Variants in PTPRT observed in about 807,000 individuals in gnomAD.
The protein encoded by PTPRT is protein tyrosine phosphatase receptor type T.
In PTPRT, 56 loss-of-function variants were observed where a neutral mutation model predicts 176.8. That is an observed-to-expected ratio of 0.32 (90% CI 0.26 to 0.40). The LOEUF is 0.40. Ranked by LOEUF, PTPRT falls within the 10% of genes least tolerant of loss-of-function variation. The pLI is 1.00. For missense variants in PTPRT, 1,540 were observed against 1,908.2 expected (o/e 0.81, Z 3.60); for synonymous variants, 783 against 739.0 (o/e 1.06, Z -0.96).
intron 21 of PTPRT, among the ~76,000 whole-genome samples, chr20:42,116,472 C>T (rs975319666): frequency 1.3e-5 from 2 of 152,146 alleles, no homozygotes; most frequent in Non-Finnish European, 2.9e-5. Flanking sequence ...GCTGAAACCT[C>T]TCTGAGCCTC....
At chr20:43,068,846 T>A (rs2011146651) in intron 1 of PTPRT, among the ~76,000 whole-genome samples, 2 of 151,972 alleles carry the variant, frequency 1.3e-5, no homozygotes, top group Non-Finnish European at 2.9e-5. Flanking sequence ...AAGGGTACAG[T>A]CAGTGGCACC....
At chr20:42,260,385 C>G (rs1047218431) in intron 13 of PTPRT, among the ~76,000 whole-genome samples, 3 of 152,212 alleles carry the variant, frequency 2.0e-5, no homozygotes, top group African/African-American at 7.2e-5. Context: ...TCAGGAGGCT[C>G]AAAGCCGCTT....
At chr20:42,183,016 T>C (rs1446405798) in intron 16 of PTPRT, among the ~76,000 whole-genome samples, 1 of 151,684 alleles carries the variant, frequency 6.6e-6, no homozygotes. Context: ...GCAGAAACAA[T>C]ACTTACTTAA....
chr20:42,166,764 C>CA (rs879074212), intron 16 of PTPRT, among the ~76,000 whole-genome samples: 9 of 151,938 alleles, frequency 5.9e-5, no homozygotes, highest in East Asian at 3.9e-4. Flanking sequence ...ACTAAAAGTA[C>CA]AAAAAAATTA....
At chr20:42,062,755 A>C in the PTPRT span, among the ~76,000 whole-genome samples, 1 of 152,132 alleles carries the variant, frequency 6.6e-6, no homozygotes, top group African/African-American at 2.4e-5. Flanking sequence ...TGTTTCTGGG[A>C]ATTTTCTCTC....
At chr20:43,027,128 AGTTTTT>A (rs1985944378) in intron 1 of PTPRT, among the ~76,000 whole-genome samples, 1 of 152,296 alleles carries the variant, frequency 6.6e-6, no homozygotes, top group Non-Finnish European at 1.5e-5. Flanking sequence ...CTCTAGTTTT[AGTTTTT>A]AAGGAACCTC....
chr20:42,343,011 C>T (rs553970734), intron 11 of PTPRT, among the ~76,000 whole-genome samples: 10 of 152,286 alleles, frequency 6.6e-5, no homozygotes, highest in South Asian at 6.2e-4. Flanking sequence ...TATCTTGTTA[C>T]ACTGTCTTCT....
intron 1 of PTPRT, among the ~76,000 whole-genome samples, chr20:42,899,165 T>C (rs911597008): frequency 1.1e-4 from 17 of 152,244 alleles, no homozygotes; most frequent in African/African-American, 3.9e-4. Flanking sequence ...GATGCCAGAA[T>C]AGCATCTTTC....
intron 1 of PTPRT, among the ~76,000 whole-genome samples, chr20:43,054,607 A>G (rs141126374): frequency 5.4e-5 from 8 of 149,312 alleles, no homozygotes; most frequent in South Asian, 2.1e-4. Flanking sequence ...CCTGATCTCT[A>G]CCTCCCAAAT....
chr20:42,496,696 G>A (rs375204919), intron 7 of PTPRT, among the ~76,000 whole-genome samples: 6 of 149,500 alleles, frequency 4.0e-5, no homozygotes, highest in East Asian at 2.0e-4. Flanking sequence ...TGATTGCTTC[G>A]GTCATAAATT....
chr20:42,526,464 C>T (rs2072269598), intron 7 of PTPRT, among the ~76,000 whole-genome samples: 1 of 152,088 alleles, frequency 6.6e-6, no homozygotes, highest in East Asian at 1.9e-4. Flanking sequence ...TATTCTACTT[C>T]ACTCCTAATG....
At chr20:42,780,742 G>A (rs2077202357) in intron 3 of PTPRT, among the ~76,000 whole-genome samples, 1 of 152,128 alleles carries the variant, frequency 6.6e-6, no homozygotes, top group South Asian at 2.1e-4. Flanking sequence ...ACCATGAGTT[G>A]ATTCTACATT....
At chr20:42,936,479 T>G (rs73271801) in intron 1 of PTPRT, among the ~76,000 whole-genome samples, 7,815 of 152,246 alleles carry the variant, frequency 0.051, 544 homozygotes, top group African/African-American at 0.15. Context: ...AAGGACTTTG[T>G]TTTTTATTGC....
chr20:42,887,274 G>T (rs1401723568), intron 1 of PTPRT, among the ~76,000 whole-genome samples: 1 of 152,080 alleles, frequency 6.6e-6, no homozygotes, highest in Non-Finnish European at 1.5e-5. Flanking sequence ...ACTGGGATTG[G>T]GACCAGTGCC....
chr20:42,113,111 T>C (rs1987091653), intron 22 of PTPRT, among the ~76,000 whole-genome samples: 1 of 152,214 alleles, frequency 6.6e-6, no homozygotes, highest in African/African-American at 2.4e-5. Context: ...TAATGTTTGC[T>C]GAGTGCCTGC....
chr20:42,253,521 G>A (rs1600732145), intron 13 of PTPRT, among the ~76,000 whole-genome samples: 1 of 152,136 alleles, frequency 6.6e-6, no homozygotes, highest in East Asian at 1.9e-4. Context: ...ATTAAGCAGG[G>A]CCTGGGGATT....
rs115799121 is a variant in PTPRT at position 43,149,376 on chromosome 20, G to A, written c.88+40270C>T. ...TTGCACTAGGTTAATTCTATTCACT[G>A]GAGAAAAGCCAACCAAATACTATGA... On this transcript the variant is annotated intron_variant, in intron 1 of 30. Transcript: ENST00000373187. Among the ~76,000 whole-genome samples the A allele has an allele frequency of 6.2e-3, 941 of 152,238 alleles. 9 individuals carry two copies. Among genetic ancestry groups the A allele is most frequent in the African/African-American group, 0.022 (894 of 41,536 alleles).
chr20:42,350,108 A>G (rs992756297), intron 11 of PTPRT, among the ~76,000 whole-genome samples: 4 of 152,022 alleles, frequency 2.6e-5, no homozygotes, highest in African/African-American at 7.2e-5. Context: ...TGACCTTTCC[A>G]GGAGACTGTG....
At chr20:42,878,223 T>C (rs1043213142) in intron 2 of PTPRT, among the ~76,000 whole-genome samples, 2 of 152,144 alleles carry the variant, frequency 1.3e-5, no homozygotes, top group Non-Finnish European at 2.9e-5. Context: ...ATGAAATAAA[T>C]CGTGGAACAG....
Sources: allele counts gnomAD v4.1 joint callset (sites outside exome capture counted in the v4.1 genomes callset), GRCh38; gene constraint gnomAD v4.1.1; transcripts MANE v1.5; gene names NCBI Gene and HGNC (gene_info 2026-07-23, HGNC 2026-07-21).